Variants in PRICKLE1 observed in about 807,000 individuals in gnomAD.
PRICKLE1 encodes the protein prickle planar cell polarity protein 1, also known as prickle-like protein 1.
PRICKLE1 carries 14 observed loss-of-function variants against 70.2 expected under a neutral mutation model. That is an observed-to-expected ratio of 0.20 (90% CI 0.13 to 0.31). The LOEUF (loss-of-function observed/expected upper bound fraction) is 0.31. Among genes scored for constraint, PRICKLE1 ranks in the 10% least tolerant of loss-of-function variants. PRICKLE1 has a pLI of 1.00. For missense variants in PRICKLE1, 821 were observed against 1,026.2 expected, an observed-to-expected ratio of 0.80 and a Z score of 2.73; for synonymous variants, 357 against 379.9, an observed-to-expected ratio of 0.94 and a Z score of 0.70.
intron 1 of PRICKLE1, among the ~76,000 whole-genome samples, chr12:42,472,838 C>T (rs1938379480): frequency 6.6e-6 from 1 of 152,216 alleles, no homozygotes; most frequent in Non-Finnish European, 1.5e-5. Context: ...TGCCTCTCTA[C>T]AGTCGATTCC....
In PRICKLE1 at chr12:42,583,421, G is replaced by T. The variant is rs80302510; in HGVS notation, c.-49+6044C>A. ...TGCTTAACTGAAAGACAATTTCCAA[G>T]GATAAAGGGGATTTAAGGGAAAACT... On this transcript the variant is annotated intron_variant, in intron 1 of 7. Transcript: ENST00000345127. 4.1e-3 allele frequency among the ~76,000 whole-genome samples: 628 copies of T among 152,268 alleles called. 10 individuals carry two copies. In the South Asian group the frequency reaches 0.044, roughly 11 times the overall value.
chr12:42,561,878 A>C (rs1215912007), intron 1 of PRICKLE1, among the ~76,000 whole-genome samples: 1 of 145,056 alleles, frequency 6.9e-6, no homozygotes, highest in Non-Finnish European at 1.5e-5. Context: ...CGAAAATATG[A>C]TGTTCCACTA....
intron 1 of PRICKLE1, among the ~76,000 whole-genome samples, chr12:42,544,857 A>G (rs866873083): frequency 1.1e-4 from 17 of 152,208 alleles, no homozygotes; most frequent in Admixed American, 6.5e-4. Flanking sequence ...TAATATGTAG[A>G]GACTACCACA....
intron 5 of PRICKLE1, among the ~76,000 whole-genome samples, chr12:42,466,676 A>G (rs907127732): frequency 6.6e-6 from 1 of 152,232 alleles, no homozygotes; most frequent in African/African-American, 2.4e-5. Flanking sequence ...TTGCTCCCCA[A>G]TAACATTTTC....
intron 1 of PRICKLE1, 88 bp from the exon 2 acceptor site, chr12:42,472,652 T>C (rs1938371943): frequency 2.7e-6 from 3 of 1,106,558 alleles, no homozygotes; most frequent in East Asian, 2.5e-5. Flanking sequence ...TGAATGCTGT[T>C]AACAGACAGC....
chr12:42,562,014 C>T (rs1940525713), intron 1 of PRICKLE1, among the ~76,000 whole-genome samples: 1 of 146,572 alleles, frequency 6.8e-6, no homozygotes, highest in Admixed American at 7.2e-5. Context: ...TGGGTTCAGG[C>T]TATTCTCCTG....
chr12:42,475,498 C>T (rs1938487170), intron 1 of PRICKLE1, among the ~76,000 whole-genome samples: 1 of 152,120 alleles, frequency 6.6e-6, no homozygotes, highest in South Asian at 2.1e-4. Context: ...CCTGCAACCC[C>T]ACACTGCCTC....
At chr12:42,509,533 G>A (rs1397834232) in intron 1 of PRICKLE1, among the ~76,000 whole-genome samples, 1 of 152,012 alleles carries the variant, frequency 6.6e-6, no homozygotes, top group African/African-American at 2.4e-5. Context: ...GTCTCTGCTG[G>A]GTGGGACGAC....
intron 1 of PRICKLE1, among the ~76,000 whole-genome samples, chr12:42,560,832 A>G (rs1194644357): frequency 6.6e-6 from 1 of 151,176 alleles, no homozygotes; most frequent in African/African-American, 2.4e-5. Flanking sequence ...CAAAAAACAC[A>G]TGCTCTATTG....
At chr12:42,539,150 A>C (rs1027529799) in intron 1 of PRICKLE1, among the ~76,000 whole-genome samples, 1 of 152,188 alleles carries the variant, frequency 6.6e-6, no homozygotes, top group Non-Finnish European at 1.5e-5. Context: ...TTGAAGTTAG[A>C]AAATGATTAA....
At chr12:42,487,772 G>A (rs12370828) in intron 1 of PRICKLE1, among the ~76,000 whole-genome samples, 1,705 of 152,288 alleles carry the variant, frequency 0.011, 39 homozygotes, top group East Asian at 0.091. Context: ...TCGGCCAAGC[G>A]TAGTGGCCCA....
intron 1 of PRICKLE1, among the ~76,000 whole-genome samples, chr12:42,503,002 G>A (rs540545206): frequency 1.8e-4 from 28 of 152,210 alleles, no homozygotes; most frequent in African/African-American, 6.7e-4. Flanking sequence ...AAATGTAAAC[G>A]GAAACATATG....
intron 1 of PRICKLE1, among the ~76,000 whole-genome samples, chr12:42,551,406 A>G (rs1365049542): frequency 6.6e-6 from 1 of 152,218 alleles, no homozygotes; most frequent in Non-Finnish European, 1.5e-5. Context: ...CACTCCAAAC[A>G]AACTGACTTT....
At chr12:42,557,146 C>T (rs1461416617) in intron 1 of PRICKLE1, among the ~76,000 whole-genome samples, 1 of 152,100 alleles carries the variant, frequency 6.6e-6, no homozygotes, top group African/African-American at 2.4e-5. Flanking sequence ...GTGACTGGTA[C>T]ATGGAGTGAC....
intron 1 of PRICKLE1, among the ~76,000 whole-genome samples, chr12:42,532,876 G>GAC (rs1249273030): frequency 2.1e-5 from 3 of 143,908 alleles, no homozygotes; most frequent in East Asian, 2.1e-4. Flanking sequence ...CAGCCTGGGC[G>GAC]AGAGTGAGAC....
At position 42,506,117 on chromosome 12, in the gene PRICKLE1, G is replaced by C. The variant is rs533402201; in HGVS notation, c.-48-33553C>G. Among the ~76,000 whole-genome samples, 3 of 147,116 alleles carry C rather than the reference G, an allele frequency of 2.0e-5. No homozygotes were observed. The South Asian group carries it at 6.5e-4, about 32-fold the overall frequency. On this transcript the variant is annotated intron_variant, in intron 1 of 7. Coordinates refer to ENST00000345127, the MANE Select transcript of PRICKLE1 (RefSeq NM_153026.3). ...TTGCGTATCAAGCACCCATGTTGCT[G>C]AGTGACTCTCAGGACTTTTATGAAA...
intron 1 of PRICKLE1, among the ~76,000 whole-genome samples, chr12:42,543,407 A>G (rs1940151566): frequency 6.8e-6 from 1 of 147,154 alleles, no homozygotes; most frequent in Non-Finnish European, 1.5e-5. Flanking sequence ...TATGTTGCCC[A>G]GGCTGCACTC....
intron 1 of PRICKLE1, among the ~76,000 whole-genome samples, chr12:42,575,738 CA>C (rs1300685047): frequency 6.6e-6 from 1 of 151,940 alleles, no homozygotes; most frequent in East Asian, 1.9e-4. Flanking sequence ...ATTCACTAAG[CA>C]TAACGCTTGT....
At chr12:42,489,435 A>G (rs1267199442) in intron 1 of PRICKLE1, among the ~76,000 whole-genome samples, 10 of 150,764 alleles carry the variant, frequency 6.6e-5, no homozygotes, top group Admixed American at 6.6e-4. Flanking sequence ...CGAGGTGGGC[A>G]GATCACTTGA....
Sources: gnomAD v4.1 joint callset for allele counts (sites outside exome capture counted in the v4.1 genomes callset) on GRCh38, gnomAD v4.1.1 for gene constraint, MANE v1.5 for transcripts, NCBI Gene and HGNC (gene_info 2026-07-23, HGNC 2026-07-21) for gene names.